Variants in PCLO observed in about 807,000 individuals in gnomAD.
The protein encoded by PCLO is piccolo presynaptic cytomatrix protein.
Under a neutral mutation model 427.5 loss-of-function variants are expected in PCLO, and 82 were observed. The ratio of observed to expected loss-of-function variants is 0.19; its 90% CI spans 0.16 to 0.23. The LOEUF (loss-of-function observed/expected upper bound fraction) is 0.23. Among genes scored for constraint, PCLO ranks in the 10% least tolerant of loss-of-function variants. The pLI is 1.00. For missense variants in PCLO, 6,239 were observed against 6,115.9 expected (o/e 1.02, Z -0.67); for synonymous variants, 2,357 against 2,155.4 (o/e 1.09, Z -2.59).
chr7:83,075,872 T>C (rs954420996), intron 3 of PCLO, among the ~76,000 whole-genome samples: 1 of 152,168 alleles, frequency 6.6e-6, no homozygotes, highest in Non-Finnish European at 1.5e-5. Flanking sequence ...ATATCTTTTA[T>C]AGTTTACCAG....
intron 10 of PCLO, among the ~76,000 whole-genome samples, chr7:82,852,184 A>C (rs965603471): frequency 2.0e-5 from 3 of 152,166 alleles, no homozygotes; most frequent in East Asian, 1.9e-4. Flanking sequence ...AAACTAGGGT[A>C]TATTTTCCTG....
chr7:83,137,191 A>T (rs1791751090), intron 2 of PCLO, among the ~76,000 whole-genome samples: 1 of 152,176 alleles, frequency 6.6e-6, no homozygotes, highest in African/African-American at 2.4e-5. Flanking sequence ...TTTTTGAAAA[A>T]CAAATTGAAT....
chr7:82,919,675 T>C (rs1324608307), intron 6 of PCLO, among the ~76,000 whole-genome samples: 2 of 151,744 alleles, frequency 1.3e-5, no homozygotes, highest in African/African-American at 2.4e-5. Context: ...TTTTAAACAA[T>C]GAAGGAGGAT....
chr7:82,987,099 G>A (rs750360518), intron 3 of PCLO, among the ~76,000 whole-genome samples: 3 of 151,940 alleles, frequency 2.0e-5, no homozygotes, highest in Non-Finnish European at 4.4e-5. Flanking sequence ...AACATATAAT[G>A]CATGTAATTT....
At chr7:82,923,519 GCAAACCTT>G (rs1409409166) in intron 6 of PCLO, among the ~76,000 whole-genome samples, 2 of 152,048 alleles carry the variant, frequency 1.3e-5, no homozygotes, top group Non-Finnish European at 2.9e-5. Context: ...AAATCCCAGG[GCAAACCTT>G]CAAACTGTAA....
At chr7:82,768,478 T>C (rs1301366254) in intron 22 of PCLO, among the ~76,000 whole-genome samples, 1 of 152,060 alleles carries the variant, frequency 6.6e-6, no homozygotes, top group Non-Finnish European at 1.5e-5. Context: ...TATTTTAAAT[T>C]TTGTCTCTTA....
At chr7:82,829,146 C>G (rs1325353363) in intron 16 of PCLO, among the ~76,000 whole-genome samples, 1 of 152,144 alleles carries the variant, frequency 6.6e-6, no homozygotes, top group Non-Finnish European at 1.5e-5. Flanking sequence ...CAGCTCACCA[C>G]TCACTTTTAA....
intron 4 of PCLO, among the ~76,000 whole-genome samples, chr7:82,965,383 C>A (rs550812610): frequency 6.9e-6 from 1 of 145,460 alleles, no homozygotes; most frequent in Non-Finnish European, 1.5e-5. Flanking sequence ...TTGACTCTTA[C>A]GTAAACAAAT....
rs1050020130 is a variant in PCLO, at chr7:83,058,245, A to C, written c.3300+76005T>G. Among the ~76,000 whole-genome samples the C allele has an allele frequency of 5.3e-5, 8 of 152,318 alleles. No individual in the cohort carries two copies. The Middle Eastern group carries it at 0.014, about 259-fold the overall frequency. On this transcript the variant is annotated intron_variant, in intron 3 of 24. Coordinates refer to ENST00000333891, the MANE Select transcript of PCLO (RefSeq NM_033026.6). ...GCCTCAGATGCTCTACTGAGGACTTAGGCATTTAATAGTGAATTGAGAATC... is the reference window on the plus strand; with the variant it reads ...GCCTCAGATGCTCTACTGAGGACTTCGGCATTTAATAGTGAATTGAGAATC...
At chr7:83,003,843 A>T (rs1787882249) in intron 3 of PCLO, among the ~76,000 whole-genome samples, 1 of 151,534 alleles carries the variant, frequency 6.6e-6, no homozygotes, top group African/African-American at 2.4e-5. Flanking sequence ...ATATCGGGGT[A>T]ATTCTTGCCT....
At chr7:82,777,236 G>A (rs145510844) in intron 22 of PCLO, among the ~76,000 whole-genome samples, 7 of 151,972 alleles carry the variant, frequency 4.6e-5, no homozygotes, top group Non-Finnish European at 7.4e-5. Context: ...ACAAAATACC[G>A]CTCAAAGAAA....
intron 3 of PCLO, among the ~76,000 whole-genome samples, chr7:83,115,585 T>C (rs1206290609): frequency 3.3e-5 from 5 of 152,192 alleles, no homozygotes; most frequent in African/African-American, 1.2e-4. Context: ...TATTTCAAAA[T>C]GATGCCTTTT....
chr7:82,987,650 C>CA, intron 3 of PCLO, among the ~76,000 whole-genome samples: 1 of 151,960 alleles, frequency 6.6e-6, no homozygotes, highest in East Asian at 1.9e-4. Context: ...AAAAAAGCTT[C>CA]ACAATATACT....
At chr7:83,004,012 C>T (rs1787887131) in intron 3 of PCLO, among the ~76,000 whole-genome samples, 1 of 151,578 alleles carries the variant, frequency 6.6e-6, no homozygotes, top group South Asian at 2.1e-4. Flanking sequence ...ATTGCTGATT[C>T]AATCTTCTTT....
intron 3 of PCLO, among the ~76,000 whole-genome samples, chr7:83,103,852 C>T (rs1298301472): frequency 6.6e-6 from 1 of 151,836 alleles, no homozygotes. Flanking sequence ...CATGGGTTTC[C>T]TCAAAAATAA....
rs1488037888 is a variant in PCLO, at chr7:83,154,926, A to G, written c.1715T>C (p.Val572Ala). The G allele has an allele frequency of 1.2e-6, 2 of 1,613,968 alleles. No individual in the cohort carries two copies. The highest frequency in any genetic ancestry group is 2.2e-5 in the South Asian group (2 of 91,080). ...AGGAGGCTGTTTTGCAGATGGAGAC[A>G]CTGTTGGTGGCTGCAGAGGTTTTCC... ...GSGKPLQPPTVSPSAKQPPSQ... is the reference protein window; with the variant it reads ...GSGKPLQPPTASPSAKQPPSQ... The change falls in exon 2 of 25, where the codon GTG (valine) becomes GCG (alanine). Residue 572 changes from valine to alanine, a missense_variant. Val to Ala is a moderately conservative substitution (Grantham distance 64, BLOSUM62 0). Coordinates refer to ENST00000333891, the MANE Select transcript of PCLO (RefSeq NM_033026.6).
intron 7 of PCLO, among the ~76,000 whole-genome samples, chr7:82,910,426 C>A (rs781411022): frequency 6.6e-6 from 1 of 152,060 alleles, no homozygotes; most frequent in African/African-American, 2.4e-5. Context: ...AAATGAGCAA[C>A]GATGTGTCAT....
chr7:82,963,319 C>T (rs1027885774), intron 4 of PCLO, among the ~76,000 whole-genome samples: 6 of 151,900 alleles, frequency 3.9e-5, no homozygotes, highest in Non-Finnish European at 7.4e-5. Context: ...GTTTTAAAAT[C>T]ATTTGTTGAA....
chr7:82,917,277 C>T (rs1213942236), intron 6 of PCLO, among the ~76,000 whole-genome samples: 6 of 151,956 alleles, frequency 3.9e-5, no homozygotes, highest in African/African-American at 1.4e-4. Context: ...GCTGTCATTC[C>T]CATTTTTTAA....
Sources: gnomAD v4.1 joint callset for allele counts (sites outside exome capture counted in the v4.1 genomes callset) on GRCh38, gnomAD v4.1.1 for gene constraint, MANE v1.5 for transcripts, NCBI Gene and HGNC (gene_info 2026-07-23, HGNC 2026-07-21) for gene names.